Variants in SLC44A5 observed in about 807,000 individuals in gnomAD.
The protein encoded by SLC44A5 is solute carrier family 44 member 5.
A neutral mutation model predicts 101.8 loss-of-function variants in SLC44A5; 57 were observed. That is an observed-to-expected ratio of 0.56 (90% CI 0.45 to 0.70). SLC44A5 has a LOEUF of 0.70. Ranked by LOEUF, SLC44A5 falls within the 30% of genes least tolerant of loss-of-function variation. SLC44A5 has a pLI of 0.00. For missense variants in SLC44A5, 737 were observed against 853.1 expected (o/e 0.86, Z 1.70); for synonymous variants, 281 against 290.9 (o/e 0.97, Z 0.35).
At chr1:75,322,742 C>T (rs1656260940) in intron 4 of SLC44A5, among the ~76,000 whole-genome samples, 1 of 152,030 alleles carries the variant, frequency 6.6e-6, no homozygotes, top group South Asian at 2.1e-4. Context: ...ACAAACAAAA[C>T]ACTGCACGGA....
chr1:75,518,604 C>T (rs910192215), intron 2 of SLC44A5, among the ~76,000 whole-genome samples: 1 of 152,084 alleles, frequency 6.6e-6, no homozygotes, highest in African/African-American at 2.4e-5. Flanking sequence ...AAGCAACATA[C>T]GATATAATTA....
intron 3 of SLC44A5, among the ~76,000 whole-genome samples, chr1:75,358,073 A>AT (rs1407771871): frequency 6.6e-6 from 1 of 152,048 alleles, no homozygotes; most frequent in Non-Finnish European, 1.5e-5. Context: ...CTTAGGAAAG[A>AT]TTTTTACTAC....
At chr1:75,461,896 G>A (rs1471838126) in intron 2 of SLC44A5, among the ~76,000 whole-genome samples, 2 of 152,176 alleles carry the variant, frequency 1.3e-5, no homozygotes, top group African/African-American at 4.8e-5. Context: ...GCCTTTTAAG[G>A]TTTTTGACTC....
intron 5 of SLC44A5, among the ~76,000 whole-genome samples, chr1:75,300,014 C>CAAAAAAAAAAAAAAAAAAAAAAAAAAA (rs35608663): frequency 2.1e-5 from 2 of 93,776 alleles, no homozygotes; most frequent in African/African-American, 1.1e-4. Context: ...GACTCTGTCT[C>CAAAAAAAAAAAAAAAAAAAAAAAAAAA]AAAAAAAAAA....
At chr1:75,705,821 C>T in the SLC44A5 span, among the ~76,000 whole-genome samples, 320 of 152,192 alleles carry the variant, frequency 2.1e-3, 2 homozygotes, top group African/African-American at 7.2e-3. Context: ...GCTTGGATTA[C>T]AGGTGCACCA....
rs1210885990 is a variant in SLC44A5 at position 75,339,650 on chromosome 1, AT to A, written c.53-21del. On this transcript the variant is annotated intron_variant, in intron 3 of 23. Transcript: ENST00000370859. ...GATCACCTGCATTTAAAACAAAGACATTTTAAGCATATAAGCCAGCAAATAA... is the reference window on the plus strand; with the variant it reads ...GATCACCTGCATTTAAAACAAAGACATTTAAGCATATAAGCCAGCAAATAA... The A allele has an allele frequency of 6.3e-7, 1 of 1,599,526 alleles. No individual in the cohort carries two copies. Among genetic ancestry groups the A allele is most frequent in the Admixed American group, 1.7e-5 (1 of 58,472 alleles).
chr1:75,596,584 C>T (rs944919532), intron 1 of SLC44A5, among the ~76,000 whole-genome samples: 2 of 152,128 alleles, frequency 1.3e-5, no homozygotes, highest in African/African-American at 2.4e-5. Flanking sequence ...ATCCAACGCA[C>T]ATCAAAAAGC....
intron 3 of SLC44A5, chr1:75,357,314 TAGAG>T (rs1659155803): frequency 9.3e-6 from 4 of 429,650 alleles, no homozygotes; most frequent in Middle Eastern, 3.4e-4. Context: ...TATTCATTGA[TAGAG>T]AGCCCTTAAA....
chr1:75,385,818 T>C (rs1661291422), intron 3 of SLC44A5, among the ~76,000 whole-genome samples: 1 of 151,896 alleles, frequency 6.6e-6, no homozygotes, highest in South Asian at 2.1e-4. Flanking sequence ...AATAAAATAC[T>C]GGCAAAACGA....
the SLC44A5 span, among the ~76,000 whole-genome samples, chr1:75,707,118 G>A: frequency 6.7e-3 from 1,022 of 152,238 alleles, 15 homozygotes; most frequent in Admixed American, 0.037. Context: ...TATATGTAAA[G>A]AATAATATGT....
intron 1 of SLC44A5, among the ~76,000 whole-genome samples, chr1:75,549,606 T>G (rs1671830396): frequency 6.6e-6 from 1 of 152,104 alleles, no homozygotes; most frequent in African/African-American, 2.4e-5. Flanking sequence ...ATAGTTATAC[T>G]TTAATTCCTG....
At chr1:75,632,201 A>T in the SLC44A5 span, among the ~76,000 whole-genome samples, 1 of 152,074 alleles carries the variant, frequency 6.6e-6, no homozygotes, top group African/African-American at 2.4e-5. Flanking sequence ...TGCTTATGTC[A>T]TCATGTAAAT....
intron 1 of SLC44A5, among the ~76,000 whole-genome samples, chr1:75,561,545 A>G (rs1331727521): frequency 6.6e-6 from 1 of 152,204 alleles, no homozygotes; most frequent in Admixed American, 6.5e-5. Flanking sequence ...TTTCAATATC[A>G]TAGGTATTCA....
intron 6 of SLC44A5, among the ~76,000 whole-genome samples, chr1:75,266,451 A>G (rs1457241232): frequency 6.6e-6 from 1 of 152,164 alleles, no homozygotes; most frequent in East Asian, 1.9e-4. Context: ...TGGAAAGCCA[A>G]GTTCACTGCA....
chr1:75,637,477 C>T, the SLC44A5 span, among the ~76,000 whole-genome samples: 84 of 151,866 alleles, frequency 5.5e-4, no homozygotes, highest in Non-Finnish European at 1.0e-3. Flanking sequence ...GAAGAAGTAG[C>T]GTAGAGGTTA....
chr1:75,314,707 G>C (rs1655558953), intron 4 of SLC44A5, among the ~76,000 whole-genome samples: 1 of 152,104 alleles, frequency 6.6e-6, no homozygotes. Flanking sequence ...AAATAACTCT[G>C]AACCATCCCT....
chr1:75,272,329 CT>C (rs61199324), intron 6 of SLC44A5, among the ~76,000 whole-genome samples: 116,740 of 143,070 alleles, frequency 0.82, 47,430 homozygotes, highest in East Asian at 0.94. Flanking sequence ...GGTCCCATTT[CT>C]TTTTTTTTTT....
At chr1:75,667,164 T>C in the SLC44A5 span, among the ~76,000 whole-genome samples, 77,246 of 151,976 alleles carry the variant, frequency 0.51, 20,872 homozygotes, top group Middle Eastern at 0.64. Context: ...GATGACATGA[T>C]TGTATATTTA....
At chr1:75,416,889 C>T (rs1296844326) in intron 2 of SLC44A5, among the ~76,000 whole-genome samples, 3 of 152,182 alleles carry the variant, frequency 2.0e-5, no homozygotes, top group East Asian at 1.9e-4. Flanking sequence ...AATGCCTGTA[C>T]CCCCATTGTA....
Sources: gnomAD v4.1 joint callset for allele counts (sites outside exome capture counted in the v4.1 genomes callset) on GRCh38, gnomAD v4.1.1 for gene constraint, MANE v1.5 for transcripts, NCBI Gene and HGNC (gene_info 2026-07-23, HGNC 2026-07-21) for gene names.